Variants in ZNF385D observed in about 807,000 individuals in gnomAD.
ZNF385D encodes zinc finger protein 385D.
A neutral mutation model predicts 35.8 loss-of-function variants in ZNF385D; 15 were observed. The ratio of observed to expected loss-of-function variants is 0.42; its 90% confidence interval spans 0.28 to 0.64. ZNF385D has a LOEUF of 0.64. Ranked by LOEUF, ZNF385D falls within the 30% of genes least tolerant of loss-of-function variation. The probability of loss-of-function intolerance (pLI) is 0.23; values close to 1 mark genes in which losing one functional copy is unlikely to be tolerated. For synonymous variants in ZNF385D, 212 were observed against 186.8 expected (o/e 1.13, Z -1.10); for missense variants, 474 against 494.6 (o/e 0.96, Z 0.39).
chr3:22,228,572 G>C (rs1698699929), intron 2 of ZNF385D, among the ~76,000 whole-genome samples: 1 of 152,200 alleles, frequency 6.6e-6, no homozygotes, highest in African/African-American at 2.4e-5. Context: ...GCTGTCATTT[G>C]AGTGCCCTGA....
At chr3:21,537,124 C>CTTTT (rs35873199) in intron 3 of ZNF385D, among the ~76,000 whole-genome samples, 490 of 94,926 alleles carry the variant, frequency 5.2e-3, no homozygotes, top group Middle Eastern at 8.8e-3. Context: ...AAAATATCAA[C>CTTTT]TTTTTTTTTT....
At chr3:22,095,768 G>A (rs942182243) in intron 3 of ZNF385D, among the ~76,000 whole-genome samples, 2 of 151,514 alleles carry the variant, frequency 1.3e-5, no homozygotes, top group East Asian at 3.9e-4. Flanking sequence ...GCATCAGTTA[G>A]CATTTCTACT....
At position 22,211,632 on chromosome 3, in the gene ZNF385D, A is replaced by T. The variant is rs147748612; in HGVS notation, c.107-42597T>A. 7.3e-3 allele frequency among the ~76,000 whole-genome samples: 1,106 copies of T among 152,146 alleles called. 7 individuals carry two copies. The highest frequency in any genetic ancestry group is 0.017 in the African/African-American group (724 of 41,544). ...ATCAAGTCTATATAGAAAGAAAGAA[A>T]GAGTGCTGCCTTGGGGCAGAAAGAA... On this transcript the variant is annotated intron_variant, in intron 2 of 5. Coordinates refer to the ZNF385D transcript ENST00000494108.
At chr3:21,887,780 A>G (rs1698624025) in intron 3 of ZNF385D, among the ~76,000 whole-genome samples, 1 of 152,066 alleles carries the variant, frequency 6.6e-6, no homozygotes, top group Non-Finnish European at 1.5e-5. Context: ...CAGAAAAAAT[A>G]CTCTTGAGAT....
At chr3:21,713,854 C>T (rs34464793) in intron 1 of ZNF385D, among the ~76,000 whole-genome samples, 22,604 of 152,070 alleles carry the variant, frequency 0.15, 1,704 homozygotes, top group Middle Eastern at 0.23. Context: ...CTTCAAACAC[C>T]ACCTTTTTTA....
chr3:22,150,595 A>C (rs557710532), intron 3 of ZNF385D, among the ~76,000 whole-genome samples: 61 of 152,310 alleles, frequency 4.0e-4, no homozygotes, highest in African/African-American at 1.4e-3. Context: ...AAATATTTCT[A>C]ATCTCTTCCT....
At position 21,832,911 on chromosome 3, in the gene ZNF385D, T is replaced by C. The variant is rs528919074; in HGVS notation, c.326-167883A>G. The stretch of plus-strand genomic sequence containing the variant: ...CAGTTCATTCACTGATTCCCCTTAA[T>C]GATATACTTGTGGTCAAAAACTTTT... On this transcript the variant is annotated intron_variant, in intron 3 of 5. Transcript: ENST00000494108. 2.0e-5 allele frequency among the ~76,000 whole-genome samples: 3 copies of C among 152,328 alleles called. No individual in the cohort carries two copies. In the East Asian group the frequency reaches 5.8e-4, roughly 29 times the overall value.
intron 2 of ZNF385D, among the ~76,000 whole-genome samples, chr3:22,362,939 A>G (rs1350335020): frequency 6.6e-6 from 1 of 152,138 alleles, no homozygotes; most frequent in East Asian, 1.9e-4. Flanking sequence ...AGGCAGAAAG[A>G]GTAATAAAAC....
At chr3:22,003,103 G>A (rs1695953187) in intron 3 of ZNF385D, among the ~76,000 whole-genome samples, 1 of 152,044 alleles carries the variant, frequency 6.6e-6, no homozygotes, top group African/African-American at 2.4e-5. Context: ...AGAAATAAAA[G>A]GCATTCAGAT....
intron 3 of ZNF385D, among the ~76,000 whole-genome samples, chr3:22,091,669 CCA>C (rs1701338884): frequency 6.6e-6 from 1 of 152,114 alleles, no homozygotes; most frequent in Admixed American, 6.6e-5. Context: ...CTAAGTCAGT[CCA>C]CAGACACAGA....
At chr3:21,849,017 A>T (rs1373270372) in intron 3 of ZNF385D, among the ~76,000 whole-genome samples, 1 of 152,108 alleles carries the variant, frequency 6.6e-6, no homozygotes, top group African/African-American at 2.4e-5. Flanking sequence ...TTTTATCAAC[A>T]GTGTAAGCAC....
intron 3 of ZNF385D, among the ~76,000 whole-genome samples, chr3:21,989,388 G>A (rs925788892): frequency 3.9e-5 from 6 of 152,026 alleles, no homozygotes; most frequent in African/African-American, 7.2e-5. Context: ...TCCAAATTAC[G>A]TAGGAATACA....
chr3:21,556,366 T>C (rs2062742775), intron 3 of ZNF385D, among the ~76,000 whole-genome samples: 1 of 152,200 alleles, frequency 6.6e-6, no homozygotes, highest in Admixed American at 6.5e-5. Flanking sequence ...GTCTTACATT[T>C]AAGTCTTTAA....
rs979532638 is a variant in ZNF385D, at chr3:21,987,997, C to T, written c.325+180820G>A. Among the ~76,000 whole-genome samples the T allele has an allele frequency of 3.8e-4, 55 of 146,398 alleles. 5 individuals carry two copies. The East Asian group carries it at 0.01, about 27-fold the overall frequency. ...GCTTCTGCATTCTTCACGTAGTTCT[C>T]GAGCCTTGGTTTTCAGCTCCATCAG... On this transcript the variant is annotated intron_variant, in intron 3 of 5. Coordinates refer to the ZNF385D transcript ENST00000494108.
chr3:21,827,678 C>A (rs897779275), intron 3 of ZNF385D, among the ~76,000 whole-genome samples: 2 of 152,130 alleles, frequency 1.3e-5, no homozygotes, highest in Non-Finnish European at 2.9e-5. Flanking sequence ...TATTTTGAAG[C>A]ATTACAAGGA....
chr3:21,904,355 T>G (rs1699567609), intron 3 of ZNF385D, among the ~76,000 whole-genome samples: 1 of 151,736 alleles, frequency 6.6e-6, no homozygotes, highest in East Asian at 1.9e-4. Flanking sequence ...CAATATGCAT[T>G]TTAACTATGA....
At chr3:21,952,974 A>C (rs1575997027) in intron 3 of ZNF385D, among the ~76,000 whole-genome samples, 1 of 152,084 alleles carries the variant, frequency 6.6e-6, no homozygotes, top group Admixed American at 6.6e-5. Context: ...AATACTTTCT[A>C]TTCTTCTCCC....
At chr3:22,181,231 A>G (rs1183124889) in intron 2 of ZNF385D, among the ~76,000 whole-genome samples, 46 of 152,130 alleles carry the variant, frequency 3.0e-4, no homozygotes, top group Admixed American at 3.0e-3. Context: ...TCTTCAGGCT[A>G]TATGAGAATA....
intron 3 of ZNF385D, among the ~76,000 whole-genome samples, chr3:21,982,458 G>C (rs541478441): frequency 6.6e-6 from 1 of 152,126 alleles, no homozygotes; most frequent in Non-Finnish European, 1.5e-5. Context: ...TGCTGAAGTT[G>C]TTTATCAGTG....
Sources: gnomAD v4.1 joint callset for allele counts (sites outside exome capture counted in the v4.1 genomes callset) on GRCh38, gnomAD v4.1.1 for gene constraint, MANE v1.5 for transcripts, NCBI Gene and HGNC (gene_info 2026-07-23, HGNC 2026-07-21) for gene names.